The following CDC42BPA variants were observed in gnomAD, a reference collection of about 807,000 sequenced individuals.
CDC42BPA encodes CDC42 binding protein kinase alpha, also known as serine/threonine-protein kinase MRCK alpha.
CDC42BPA carries 80 observed loss-of-function variants against 223.5 expected under a neutral mutation model. That is an observed-to-expected ratio of 0.36 (90% confidence interval 0.30 to 0.43). The LOEUF (loss-of-function observed/expected upper bound fraction) is 0.43. Among genes scored for constraint, CDC42BPA ranks in the 20% least tolerant of loss-of-function variants. The pLI, the probability that CDC42BPA is intolerant of heterozygous loss-of-function variation, is 1.00. For synonymous variants in CDC42BPA, 694 were observed against 718.6 expected, an observed-to-expected ratio of 0.97 and a Z score of 0.55; for missense variants, 1,743 against 2,099.9, an observed-to-expected ratio of 0.83 and a Z score of 3.32.
At chr1:227,017,289 A>C (rs1413034987) in intron 32 of CDC42BPA, among the ~76,000 whole-genome samples, 1 of 152,220 alleles carries the variant, frequency 6.6e-6, no homozygotes, top group Non-Finnish European at 1.5e-5. Flanking sequence ...TTATAAACAC[A>C]GTAGGACATA....
chr1:227,293,462 G>A (rs4653815), intron 1 of CDC42BPA, among the ~76,000 whole-genome samples: 11,344 of 150,228 alleles, frequency 0.076, 467 homozygotes, highest in Admixed American at 0.11. Flanking sequence ...TATTGCAAAA[G>A]ATATCTACAT....
chr1:227,225,019 T>TA (rs762187197), intron 2 of CDC42BPA, among the ~76,000 whole-genome samples: 1 of 152,180 alleles, frequency 6.6e-6, no homozygotes, highest in South Asian at 2.1e-4. Flanking sequence ...CATTCTAGCT[T>TA]AACAATAAGG....
chr1:227,245,729 G>A (rs1332200946), intron 2 of CDC42BPA, among the ~76,000 whole-genome samples: 1 of 152,186 alleles, frequency 6.6e-6, no homozygotes, highest in Non-Finnish European at 1.5e-5. Flanking sequence ...GGAACCGGCT[G>A]CCTTGAAGAG....
intron 21 of CDC42BPA, among the ~76,000 whole-genome samples, chr1:227,067,038 A>G (rs1166043161): frequency 1.3e-5 from 2 of 152,192 alleles, no homozygotes; most frequent in African/African-American, 4.8e-5. Flanking sequence ...AAGATTTGGC[A>G]GCTCTTGTGA....
chr1:227,129,483 C>G (rs952486502), intron 10 of CDC42BPA, among the ~76,000 whole-genome samples: 4 of 151,370 alleles, frequency 2.6e-5, no homozygotes, highest in Admixed American at 6.6e-5. Flanking sequence ...GACTGGGCAA[C>G]AGAATGACAC....
chr1:227,287,281 A>C (rs1688964754), intron 1 of CDC42BPA, among the ~76,000 whole-genome samples: 1 of 152,146 alleles, frequency 6.6e-6, no homozygotes, highest in South Asian at 2.1e-4. Flanking sequence ...ATTTCTTAGC[A>C]AGGCCTATTT....
chr1:227,100,532 C>T (rs1422135509), intron 15 of CDC42BPA, among the ~76,000 whole-genome samples: 2 of 152,236 alleles, frequency 1.3e-5, no homozygotes, highest in Non-Finnish European at 2.9e-5. Flanking sequence ...CACATCCTCC[C>T]TGGACACTCC....
intron 21 of CDC42BPA, among the ~76,000 whole-genome samples, chr1:227,064,498 C>G (rs1676569937): frequency 1.3e-5 from 2 of 151,912 alleles, no homozygotes; most frequent in African/African-American, 2.4e-5. Flanking sequence ...TGTGATGATC[C>G]CTGGATCTGT....
At chr1:227,157,602 T>C (rs1663047686) in intron 6 of CDC42BPA, among the ~76,000 whole-genome samples, 1 of 152,190 alleles carries the variant, frequency 6.6e-6, no homozygotes, top group African/African-American at 2.4e-5. Context: ...GTAAAATTCT[T>C]AGATCTGAGT....
At chr1:227,298,329 T>A (rs1275295021) in intron 1 of CDC42BPA, among the ~76,000 whole-genome samples, 2 of 151,688 alleles carry the variant, frequency 1.3e-5, no homozygotes, top group Non-Finnish European at 2.9e-5. Context: ...CAACCACTAT[T>A]ATAATTGCCC....
intron 3 of CDC42BPA, among the ~76,000 whole-genome samples, chr1:227,203,705 C>G (rs557896223): frequency 6.6e-6 from 1 of 152,280 alleles, no homozygotes; most frequent in South Asian, 2.1e-4. Flanking sequence ...AAATGTTCAT[C>G]CAAACATTCA....
chr1:227,045,220 T>C (rs1672191425), intron 23 of CDC42BPA, among the ~76,000 whole-genome samples: 1 of 152,258 alleles, frequency 6.6e-6, no homozygotes, highest in Non-Finnish European at 1.5e-5. Flanking sequence ...TTTCTCAAAA[T>C]GCAATTTTTT....
intron 6 of CDC42BPA, among the ~76,000 whole-genome samples, chr1:227,150,230 AAAAAAAAC>A (rs1661482262): frequency 6.6e-6 from 1 of 151,350 alleles, no homozygotes; most frequent in Non-Finnish European, 1.5e-5. Flanking sequence ...GTCTCAAAAA[AAAAAAAAC>A]AAAAAAAACA....
rs1000358118 is a variant in CDC42BPA at position 226,990,292 on chromosome 1, C to T, written c.*3976G>A. 1 of 152,248 alleles carries T rather than the reference C, an allele frequency of 6.6e-6. No individual in the cohort carries two copies. The highest frequency in any genetic ancestry group is 2.4e-5 in the African/African-American group (1 of 41,466). The allele number at this position is 152,248 out of a possible 1,614,324, so 9.4% of individuals were successfully genotyped here. A position where few individuals can be genotyped will look rare whatever the true frequency, so the allele number is the denominator to read the frequency against. On this transcript the variant is annotated 3_prime_UTR_variant, in exon 37 of 37. Coordinates refer to ENST00000366766, the MANE Select transcript of CDC42BPA (RefSeq NM_001394014.1). ...TCAAGGTTGATTTGAGTCAGCTTCC[C>T]CCGGAACTGCACGGTGTCCTGTGTG...
intron 6 of CDC42BPA, among the ~76,000 whole-genome samples, chr1:227,151,517 G>A (rs1405436749): frequency 6.6e-6 from 1 of 152,098 alleles, no homozygotes; most frequent in Non-Finnish European, 1.5e-5. Context: ...TCTGGATCAC[G>A]TGGTAATTCT....
chr1:227,284,373 G>A (rs753613891), intron 1 of CDC42BPA, among the ~76,000 whole-genome samples: 1 of 152,040 alleles, frequency 6.6e-6, no homozygotes, highest in Non-Finnish European at 1.5e-5. Context: ...TTGGAATTTG[G>A]AATACATTAT....
At chr1:227,083,275 TA>T (rs67660361) in intron 16 of CDC42BPA, among the ~76,000 whole-genome samples, 19,703 of 151,658 alleles carry the variant, frequency 0.13, 1,354 homozygotes, top group East Asian at 0.26. Flanking sequence ...CACTTTAGTC[TA>T]AAAAATTTTT....
chr1:227,107,421 T>C (rs1686121173), intron 14 of CDC42BPA, among the ~76,000 whole-genome samples: 1 of 152,020 alleles, frequency 6.6e-6, no homozygotes, highest in African/African-American at 2.4e-5. Flanking sequence ...AGCTCAAGTC[T>C]CAAGTACCTT....
chr1:227,193,637 A>G, intron 5 of CDC42BPA, 149 bp downstream of exon 5: 3 of 623,326 alleles, frequency 4.8e-6, no homozygotes, highest in Non-Finnish European at 7.8e-6. Context: ...ACAACAAAGC[A>G]AAACAACCAA....
Sources: gnomAD v4.1 joint callset for allele counts (sites outside exome capture counted in the v4.1 genomes callset) on GRCh38, gnomAD v4.1.1 for gene constraint, MANE v1.5 for transcripts, NCBI Gene and HGNC (gene_info 2026-07-23, HGNC 2026-07-21) for gene names.